Variants in NEDD1 observed in about 807,000 individuals in gnomAD.
The protein encoded by NEDD1 is protein NEDD1.
A neutral mutation model predicts 74.0 loss-of-function variants in NEDD1; 33 were observed. The ratio of observed to expected loss-of-function variants is 0.45; its 90% confidence interval spans 0.34 to 0.60. The LOEUF is 0.60. NEDD1 is among the 20% of genes least tolerant of loss of function. NEDD1 has a pLI of 0.01. For synonymous variants in NEDD1, 250 were observed against 264.4 expected (o/e 0.95, Z 0.53); for missense variants, 746 against 776.5 (o/e 0.96, Z 0.47).
At chr12:96,909,703 T>G (rs750470345) in intron 2 of NEDD1, 49 bp from the exon 3 acceptor site, 1 of 1,472,298 alleles carries the variant, frequency 6.8e-7, no homozygotes. Flanking sequence ...TTTTTGAGTA[T>G]GTCTATTCTT....
At position 96,912,780 on chromosome 12, in the gene NEDD1, A is replaced by G; in HGVS notation, c.194A>G (p.Lys65Arg). Residue 65 changes from lysine to arginine, a missense_variant, in exon 4 of 16, where the codon AAA becomes AGA. Around this residue, in one of 3 missense-constraint regions of NEDD1, gnomAD observed 706 missense variants for 706.7 expected, o/e 1.00. Coordinates refer to ENST00000266742, the MANE Select transcript of NEDD1 (RefSeq NM_152905.4). ...GACAAAATAGTTGTCTCAAGTTGCA[A>G]ATGTAAACCTGTTCCACTTTTAGAG... is the stretch of plus-strand genomic sequence containing the variant. ...SGDKIVVSSC[K>R]CKPVPLLELA... 1 of 1,609,430 alleles carries G rather than the reference A, an allele frequency of 6.2e-7. No homozygotes were observed. The highest frequency in any genetic ancestry group is 1.7e-5 in the Admixed American group (1 of 59,918).
chr12:96,907,833 A>C lies in NEDD1; in HGVS notation c.-32A>C. 2 of 1,419,710 alleles carry C rather than the reference A, an allele frequency of 1.4e-6. No homozygotes were observed. The highest frequency in any genetic ancestry group is 1.4e-5 in the African/African-American group (1 of 69,634). The allele number at this position is 1,419,710 out of a possible 1,614,324, so 87.9% of individuals were successfully genotyped here. A position where few individuals can be genotyped will look rare whatever the true frequency, so the allele number is the denominator to read the frequency against. On this transcript the variant is annotated 5_prime_UTR_variant, in exon 2 of 16. The change abolishes an upstream ATG in the 5' untranslated region. Transcript: ENST00000266742. ...GGACTCATGTAAAGTCTCTCCCTTA[A>C]TGCTCAGTTCTTAGAAGACCGAGGT...
At chr12:96,911,613 C>T (rs1873927343) in intron 3 of NEDD1, among the ~76,000 whole-genome samples, 2 of 152,150 alleles carry the variant, frequency 1.3e-5, no homozygotes, top group African/African-American at 2.4e-5. Flanking sequence ...CTCACTTTCT[C>T]ATGATTTCTA....
chr12:96,952,190 A>G lies in NEDD1; in HGVS notation c.*137A>G, dbSNP rs1878776660. 1.7e-6 allele frequency: 1 copy of G among 577,624 alleles called. No individual in the cohort carries two copies. 35.8% of individuals were successfully genotyped at this position (577,624 alleles called of 1,614,324 possible). A position where few individuals can be genotyped will look rare whatever the true frequency, so the allele number is the denominator to read the frequency against. On this transcript the variant is annotated 3_prime_UTR_variant, in exon 16 of 16. Coordinates refer to ENST00000266742, the MANE Select transcript of NEDD1 (RefSeq NM_152905.4). ...AAGAGTAAAAGGATGATGGGATTTT[A>G]TACCAACAACTGTTTCATCTTAAAA... is the stretch of plus-strand genomic sequence containing the variant.
At chr12:96,936,420 T>C (rs1877097272) in intron 7 of NEDD1, among the ~76,000 whole-genome samples, 191 bp from the exon 8 acceptor site, 1 of 152,250 alleles carries the variant, frequency 6.6e-6, no homozygotes, top group South Asian at 2.1e-4. Context: ...CAGTTCTCTA[T>C]ATGCCATTTT....
At chr12:96,929,616 T>TAG (rs1876145587) in intron 6 of NEDD1, among the ~76,000 whole-genome samples, 1 of 137,566 alleles carries the variant, frequency 7.3e-6, no homozygotes, top group African/African-American at 2.9e-5. Context: ...TGTATATATA[T>TAG]ATATATATTT....
chr12:96,909,320 T>C (rs545736373), intron 2 of NEDD1, among the ~76,000 whole-genome samples: 1 of 152,140 alleles, frequency 6.6e-6, no homozygotes, highest in East Asian at 1.9e-4. Context: ...AGGCCTTTCA[T>C]AGGAGGAAAC....
At chr12:96,944,920 G>A in intron 13 of NEDD1, 125 bp downstream of exon 13, 1 of 622,056 alleles carries the variant, frequency 1.6e-6, no homozygotes, top group Non-Finnish European at 2.7e-6. Flanking sequence ...TAAAGTTTGT[G>A]GACACTTCTG....
At chr12:96,921,812 C>T (rs908879099) in intron 6 of NEDD1, among the ~76,000 whole-genome samples, 9 of 148,020 alleles carry the variant, frequency 6.1e-5, no homozygotes, top group Non-Finnish European at 1.3e-4. Context: ...GACAGGGTCT[C>T]AGTATGTTGT....
At chr12:96,924,831 A>G (rs1211314818) in intron 6 of NEDD1, 1 of 453,342 alleles carries the variant, frequency 2.2e-6, no homozygotes, top group Admixed American at 2.4e-5. Flanking sequence ...TGCGTTGACT[A>G]GGCTCTCCAA....
intron 14 of NEDD1, 51 bp from the exon 15 acceptor site, chr12:96,951,381 A>C: frequency 9.7e-7 from 1 of 1,027,788 alleles, no homozygotes; most frequent in Non-Finnish European, 1.5e-6. Flanking sequence ...TGAATGACCT[A>C]GAATTGGTTA....
At chr12:96,917,573 T>C (rs1289783715) in intron 4 of NEDD1, 48 bp from the exon 5 acceptor site, 3 of 1,477,666 alleles carry the variant, frequency 2.0e-6, no homozygotes, top group Non-Finnish European at 1.8e-6. Flanking sequence ...GAAAGTCAGC[T>C]CTGGGCTCTG....
At chr12:96,936,224 G>A (rs1163725975) in intron 7 of NEDD1, among the ~76,000 whole-genome samples, 1 of 152,168 alleles carries the variant, frequency 6.6e-6, no homozygotes, top group African/African-American at 2.4e-5. Context: ...GCCTAAGCAG[G>A]TCAATAAATG....
At chr12:96,912,839 TAAA>T in intron 4 of NEDD1, 22 bp downstream of exon 4, 3 of 1,159,284 alleles carry the variant, frequency 2.6e-6, no homozygotes, top group Non-Finnish European at 3.8e-6. Flanking sequence ...TTTTTTTTTT[TAAA>T]CTTTTAAAAA....
chr12:96,919,791 C>G (rs1347939635), intron 5 of NEDD1, among the ~76,000 whole-genome samples, 194 bp from the exon 6 acceptor site: 1 of 152,128 alleles, frequency 6.6e-6, no homozygotes, highest in Non-Finnish European at 1.5e-5. Context: ...AATTACCTGT[C>G]CATAATCTCT....
At chr12:96,913,962 T>A (rs1874185581) in intron 4 of NEDD1, among the ~76,000 whole-genome samples, 2 of 152,198 alleles carry the variant, frequency 1.3e-5, no homozygotes, top group Non-Finnish European at 2.9e-5. Context: ...GACTCATGAT[T>A]TTTATCAATC....
intron 14 of NEDD1, among the ~76,000 whole-genome samples, chr12:96,946,954 C>G (rs532992558): frequency 7.9e-5 from 12 of 152,292 alleles, no homozygotes; most frequent in African/African-American, 2.9e-4. Context: ...GGGCATTTTG[C>G]TCTTGCCTCT....
intron 9 of NEDD1, among the ~76,000 whole-genome samples, chr12:96,940,127 T>C (rs111620890): frequency 1.3e-5 from 2 of 152,026 alleles, no homozygotes; most frequent in African/African-American, 4.8e-5. Context: ...ACAAAATGGC[T>C]AAAATAAGGT....
chr12:96,951,992 G>T lies in NEDD1; in HGVS notation c.1922G>T (p.Gly641Val), dbSNP rs997767164. ...CTGGAAAGATACTCAGTGAATGAAG[G>T]TTTAGTGGCTGAAATTGAAAGACTA... is the stretch of plus-strand genomic sequence containing the variant. Reference protein sequence around the residue: ...SLLERYSVNEGLVAEIERLRE... With the variant: ...SLLERYSVNEVLVAEIERLRE... The change falls in exon 16 of 16, where the codon GGT (glycine) becomes GTT (valine). Residue 641 changes from glycine to valine, a missense_variant. This residue lies in a region of NEDD1 where 29 missense variants were observed against 50.8 expected (regional missense o/e 0.57). Transcript: ENST00000266742. The T allele has an allele frequency of 5.0e-6, 8 of 1,607,202 alleles. No homozygotes were observed. The highest frequency in any genetic ancestry group is 6.0e-6 in the Non-Finnish European group (7 of 1,174,950).
Sources: allele counts gnomAD v4.1 joint callset (sites outside exome capture counted in the v4.1 genomes callset), GRCh38; gene constraint gnomAD v4.1.1; regional missense constraint gnomAD v4.1.1; transcripts MANE v1.5; gene names NCBI Gene and HGNC (gene_info 2026-07-23, HGNC 2026-07-21).